ATF7IP: variants seen among roughly 807,000 people sequenced by gnomAD.
ATF7IP encodes activating transcription factor 7 interacting protein.
A neutral mutation model predicts 106.4 loss-of-function variants in ATF7IP; 23 were observed. The ratio of observed to expected loss-of-function variants is 0.22; its 90% confidence interval spans 0.16 to 0.31. ATF7IP has a LOEUF of 0.31. ATF7IP is among the 10% of genes least tolerant of loss of function. ATF7IP has a pLI of 1.00. For synonymous variants in ATF7IP, 542 were observed against 539.0 expected (o/e 1.01, Z -0.08); for missense variants, 1,334 against 1,524.3 (o/e 0.88, Z 2.08).
intron 1 of ATF7IP, among the ~76,000 whole-genome samples, chr12:14,396,158 T>A (rs1330250371): frequency 9.9e-5 from 15 of 152,154 alleles, no homozygotes; most frequent in Non-Finnish European, 4.4e-5. Flanking sequence ...AGAGTGGTAG[T>A]GAGGTAGCTT....
intron 1 of ATF7IP, chr12:14,417,071 A>G (rs1430557961): frequency 5.9e-6 from 2 of 338,854 alleles, no homozygotes; most frequent in Non-Finnish European, 8.4e-6. Flanking sequence ...CTGATAACAA[A>G]TTTTCCATTT....
chr12:14,476,935 T>C (rs575521639), intron 11 of ATF7IP, among the ~76,000 whole-genome samples: 1 of 152,274 alleles, frequency 6.6e-6, no homozygotes, highest in African/African-American at 2.4e-5. Flanking sequence ...GTTTGGAAAA[T>C]GCTGAGTTTA....
At chr12:14,391,559 G>A (rs2136436032) in intron 1 of ATF7IP, among the ~76,000 whole-genome samples, 1 of 152,332 alleles carries the variant, frequency 6.6e-6, no homozygotes, top group East Asian at 1.9e-4. Flanking sequence ...CATTAAATGA[G>A]ATGGGTCGTT....
chr12:14,373,741 G>A (rs1378025435), intron 1 of ATF7IP, among the ~76,000 whole-genome samples: 1 of 152,154 alleles, frequency 6.6e-6, no homozygotes, highest in African/African-American at 2.4e-5. Flanking sequence ...TTTAGGTTCA[G>A]TTATAGTATA....
At chr12:14,417,058 A>G in intron 1 of ATF7IP, 1 of 471,634 alleles carries the variant, frequency 2.1e-6, no homozygotes, top group Non-Finnish European at 2.8e-6. Context: ...TGAGAAAAAA[A>G]TTCTGATAAC....
chr12:14,381,009 A>G (rs1938980944), intron 1 of ATF7IP, among the ~76,000 whole-genome samples: 1 of 152,158 alleles, frequency 6.6e-6, no homozygotes, highest in Non-Finnish European at 1.5e-5. Context: ...GTGTTTGGTA[A>G]AGGCTTCTAA....
intron 6 of ATF7IP, among the ~76,000 whole-genome samples, chr12:14,451,872 A>G (rs929972662): frequency 2.6e-5 from 4 of 152,246 alleles, no homozygotes; most frequent in African/African-American, 7.2e-5. Context: ...GTTAGGTCCA[A>G]TTAGCATATA....
At chr12:14,437,088 A>G (rs1289981565) in intron 4 of ATF7IP, among the ~76,000 whole-genome samples, 3 of 152,194 alleles carry the variant, frequency 2.0e-5, no homozygotes, top group African/African-American at 7.2e-5. Flanking sequence ...TATTTAGAAT[A>G]CGGAGTTTGA....
intron 7 of ATF7IP, among the ~76,000 whole-genome samples, 175 bp downstream of exon 7, chr12:14,456,809 C>G (rs1200731048): frequency 6.6e-6 from 1 of 152,106 alleles, no homozygotes; most frequent in Non-Finnish European, 1.5e-5. Flanking sequence ...GTGAATAATA[C>G]TTTTGCTAAC....
At chr12:14,492,075 G>A (rs532525161) in intron 13 of ATF7IP, among the ~76,000 whole-genome samples, 22 of 152,284 alleles carry the variant, frequency 1.4e-4, no homozygotes, top group African/African-American at 5.3e-4. Context: ...CACCTTACCA[G>A]TCAAGGAGCC....
intron 5 of ATF7IP, among the ~76,000 whole-genome samples, chr12:14,440,830 T>G (rs1942660581): frequency 1.3e-5 from 2 of 152,244 alleles, no homozygotes; most frequent in Admixed American, 1.3e-4. Flanking sequence ...TCGATTTACC[T>G]GTTTTGCATA....
Position 14,460,706 on chromosome 12 carries a change from A to G in ATF7IP, c.2370A>G (p.Ala790=), listed in dbSNP as rs1943604301. ...CAGTGATTTTGCATGTACCTGTTGC[A>G]GTATCCTCCCAGCCTCAGCTTCTAC... is the stretch of plus-strand genomic sequence containing the variant. ...PLPVILHVPV[A]VSSQPQLLQS... The change falls in exon 9 of 15, where the codon GCA becomes GCG. Residue 790 remains alanine (A), a synonymous_variant. Coordinates refer to ENST00000261168, the MANE Select transcript of ATF7IP (RefSeq NM_018179.5). 1.9e-6 allele frequency: 3 copies of G among 1,614,092 alleles called. No homozygotes were observed. The highest frequency in any genetic ancestry group is 1.3e-5 in the African/African-American group (1 of 74,938).
intron 4 of ATF7IP, among the ~76,000 whole-genome samples, chr12:14,436,660 C>G (rs549297696): frequency 6.6e-6 from 1 of 152,188 alleles, no homozygotes; most frequent in African/African-American, 2.4e-5. Context: ...CCACTTCACT[C>G]CAGCCTGGGT....
intron 2 of ATF7IP, among the ~76,000 whole-genome samples, chr12:14,429,227 G>A (rs1942010212): frequency 6.6e-6 from 1 of 152,038 alleles, no homozygotes; most frequent in South Asian, 2.1e-4. Flanking sequence ...TATTAAATCC[G>A]GGGACATCTT....
intron 8 of ATF7IP, 125 bp from the exon 9 acceptor site, chr12:14,460,370 A>G (rs1474900659): frequency 2.1e-6 from 2 of 943,274 alleles, no homozygotes; most frequent in South Asian, 5.1e-5. Flanking sequence ...AAAAAATTTC[A>G]TGATAAAAGA....
intron 10 of ATF7IP, among the ~76,000 whole-genome samples, chr12:14,471,162 C>G (rs1200233651): frequency 6.6e-6 from 1 of 152,066 alleles, no homozygotes; most frequent in Non-Finnish European, 1.5e-5. Context: ...GACTTTGTTA[C>G]TTTTACACAA....
chr12:14,483,540 C>G (rs1475959881), intron 13 of ATF7IP, among the ~76,000 whole-genome samples: 4 of 152,264 alleles, frequency 2.6e-5, no homozygotes, highest in East Asian at 1.9e-4. Context: ...ACTAAGACCT[C>G]TAGGCCAGCA....
intron 1 of ATF7IP, among the ~76,000 whole-genome samples, chr12:14,421,684 C>T (rs1475626023): frequency 6.6e-6 from 1 of 152,132 alleles, no homozygotes; most frequent in Non-Finnish European, 1.5e-5. Flanking sequence ...GGTACTGGGG[C>T]TTAAGACTAA....
Position 14,424,844 on chromosome 12 carries a change from G to C in ATF7IP, c.929G>C (p.Ser310Thr), listed in dbSNP as rs1470130318. The change falls in exon 2 of 15, where the codon AGC (serine) becomes ACC (threonine). Residue 310 changes from serine to threonine, a missense_variant. Coordinates refer to ENST00000261168, the MANE Select transcript of ATF7IP (RefSeq NM_018179.5). ...GAAATTGACAATATAGAACCAAGTA[G>C]CAATAAAGATGATGATTTTCTTGAA... is the stretch of plus-strand genomic sequence containing the variant. ...VPEIDNIEPS[S>T]NKDDDFLEKN... is the part of the protein sequence containing the mutation. 11 of 1,612,810 alleles carry C rather than the reference G, an allele frequency of 6.8e-6. No individual in the cohort carries two copies. Among genetic ancestry groups the C allele is most frequent in the African/African-American group, 1.3e-5 (1 of 74,742 alleles).
Sources: gnomAD v4.1 joint callset for allele counts (sites outside exome capture counted in the v4.1 genomes callset) on GRCh38, gnomAD v4.1.1 for gene constraint, MANE v1.5 for transcripts, NCBI Gene and HGNC (gene_info 2026-07-23, HGNC 2026-07-21) for gene names.